Variants in GABRA5 observed in about 807,000 individuals in gnomAD.
The protein encoded by GABRA5 is gamma-aminobutyric acid type A receptor subunit alpha5.
GABRA5 carries 18 observed loss-of-function variants against 47.3 expected under a neutral mutation model. The observed-to-expected ratio is 0.38, with a 90% CI of 0.26 to 0.56. The LOEUF (loss-of-function observed/expected upper bound fraction) is 0.56, where lower values mean the gene tolerates loss of function less well. Among genes scored for constraint, GABRA5 ranks in the 20% least tolerant of loss-of-function variants. GABRA5 has a pLI of 0.71. For synonymous variants in GABRA5, 237 were observed against 229.3 expected (o/e 1.03, Z -0.30); for missense variants, 365 against 599.3 (o/e 0.61, Z 4.08).
intron 6 of GABRA5, among the ~76,000 whole-genome samples, chr15:26,896,118 A>G (rs1161592375): frequency 6.6e-6 from 1 of 152,192 alleles, no homozygotes; most frequent in Non-Finnish European, 1.5e-5. Flanking sequence ...GACATCATAC[A>G]GAGTCTTCGA....
intron 6 of GABRA5, among the ~76,000 whole-genome samples, chr15:26,898,045 G>C (rs766446948): frequency 1.3e-5 from 2 of 152,118 alleles, no homozygotes; most frequent in Non-Finnish European, 2.9e-5. Context: ...TGGCCACTTA[G>C]GGGTAATGAT....
chr15:26,902,387 T>C (rs1429846021), intron 6 of GABRA5, among the ~76,000 whole-genome samples: 1 of 152,108 alleles, frequency 6.6e-6, no homozygotes, highest in East Asian at 1.9e-4. Flanking sequence ...AGATTTCACT[T>C]TGGGGTGCTA....
chr15:26,935,715 A>G (rs1208848365), intron 7 of GABRA5, among the ~76,000 whole-genome samples: 1 of 152,196 alleles, frequency 6.6e-6, no homozygotes, highest in Non-Finnish European at 1.5e-5. Context: ...CCTTTGCAGG[A>G]GGCCTCTCCA....
intron 6 of GABRA5, among the ~76,000 whole-genome samples, chr15:26,890,878 A>G (rs149840151): frequency 2.0e-4 from 31 of 152,204 alleles, no homozygotes; most frequent in African/African-American, 6.8e-4. Context: ...AAATGAGGCC[A>G]TCTCACCACC....
intron 7 of GABRA5, among the ~76,000 whole-genome samples, chr15:26,924,153 C>G (rs1893901918): frequency 7.7e-6 from 1 of 129,962 alleles, no homozygotes; most frequent in Admixed American, 8.4e-5. Flanking sequence ...TATTATAATA[C>G]AAGGCTTTTT....
intron 7 of GABRA5, among the ~76,000 whole-genome samples, chr15:26,923,166 T>G (rs1893882506): frequency 6.6e-6 from 1 of 152,212 alleles, no homozygotes; most frequent in African/African-American, 2.4e-5. Flanking sequence ...TTTTATTATA[T>G]TTATCCATAT....
At chr15:26,911,402 C>A (rs1290819271) in intron 6 of GABRA5, among the ~76,000 whole-genome samples, 3 of 150,966 alleles carry the variant, frequency 2.0e-5, no homozygotes, top group East Asian at 3.9e-4. Flanking sequence ...CACACAAACA[C>A]ACACACTCCT....
chr15:26,873,348 T>C (rs1053282535), intron 3 of GABRA5, among the ~76,000 whole-genome samples: 1 of 152,138 alleles, frequency 6.6e-6, no homozygotes, highest in Non-Finnish European at 1.5e-5. Flanking sequence ...AAAGGCTGAG[T>C]CCATTGATTT....
At chr15:26,914,714 C>G in intron 6 of GABRA5, 89 bp from the exon 7 acceptor site, 1 of 963,536 alleles carries the variant, frequency 1.0e-6, no homozygotes, top group Non-Finnish European at 1.7e-6. Flanking sequence ...TTTAAAAGTA[C>G]TTAATATGGC....
intron 7 of GABRA5, among the ~76,000 whole-genome samples, chr15:26,926,066 G>C (rs1370354582): frequency 6.6e-6 from 1 of 152,160 alleles, no homozygotes; most frequent in Non-Finnish European, 1.5e-5. Flanking sequence ...AATAGTTCCA[G>C]GCTCTTCTTT....
intron 9 of GABRA5, among the ~76,000 whole-genome samples, chr15:26,942,494 G>T (rs1331199809): frequency 6.6e-6 from 1 of 152,208 alleles, no homozygotes; most frequent in African/African-American, 2.4e-5. Context: ...TCACCTGTTT[G>T]CAGGGAGCCC....
At chr15:26,938,351 G>C (rs1207693285) in intron 8 of GABRA5, among the ~76,000 whole-genome samples, 1 of 152,192 alleles carries the variant, frequency 6.6e-6, no homozygotes, top group Non-Finnish European at 1.5e-5. Context: ...GCAGGAGTTT[G>C]GTGTAAGCAA....
chr15:26,893,175 GGT>G (rs1893058679), intron 6 of GABRA5, among the ~76,000 whole-genome samples: 1 of 144,228 alleles, frequency 6.9e-6, no homozygotes, highest in African/African-American at 2.6e-5. Flanking sequence ...GTGTGTATGT[GGT>G]GTGTGGTGTG....
At chr15:26,924,890 G>A (rs1040428745) in intron 7 of GABRA5, among the ~76,000 whole-genome samples, 1 of 152,160 alleles carries the variant, frequency 6.6e-6, no homozygotes, top group African/African-American at 2.4e-5. Context: ...GGATGTGTAA[G>A]ACAGGAAGAA....
chr15:26,883,572 G>A lies in GABRA5; in HGVS notation c.497+15G>A, dbSNP rs1268558627. On this transcript the variant is annotated intron_variant, in intron 6 of 10. Transcript: ENST00000335625. This position sits in a 1 kb window ranked among gnomAD's most constrained non-coding sequence, Gnocchi z 4.8. ...TACACCATGCGGTGAGCGCCGGGCG[G>A]GGGCGGGCGGGGCCGGGGGACGGTG... 3 of 1,522,870 alleles carry A rather than the reference G, an allele frequency of 2.0e-6. No homozygotes were observed. The highest frequency in any genetic ancestry group is 2.4e-5 in the East Asian group (1 of 41,768). The allele number at this position is 1,522,870 out of a possible 1,614,324, so 94.3% of individuals were successfully genotyped here.
At chr15:26,926,869 C>T (rs142165329) in intron 7 of GABRA5, among the ~76,000 whole-genome samples, 4,765 of 152,180 alleles carry the variant, frequency 0.031, 242 homozygotes, top group African/African-American at 0.11. Context: ...AAGAAAACTA[C>T]GTGATGTCCT....
chr15:26,883,853 T>C lies in GABRA5; in HGVS notation c.497+296T>C, dbSNP rs1024282238. ...AATGTCGGATAGGGAAAAATTATTA[T>C]ATTAAACTTAAACATCTAAGGAGGA... On this transcript the variant is annotated intron_variant, in intron 6 of 10. Coordinates refer to ENST00000335625, the MANE Select transcript of GABRA5 (RefSeq NM_000810.4). The surrounding 1 kb of genome is among the most constrained non-coding windows in gnomAD (Gnocchi z 4.8). Among the ~76,000 whole-genome samples the C allele has an allele frequency of 1.3e-5, 2 of 152,074 alleles. No homozygotes were observed. The highest frequency in any genetic ancestry group is 2.9e-5 in the Non-Finnish European group (2 of 67,992).
chr15:26,942,813 C>G (rs1250516851), intron 9 of GABRA5, among the ~76,000 whole-genome samples: 1 of 152,184 alleles, frequency 6.6e-6, no homozygotes, highest in Non-Finnish European at 1.5e-5. Flanking sequence ...GAGGAAGGCG[C>G]AGGCTGGGAT....
chr15:26,948,823 A>G lies in GABRA5; in HGVS notation c.*590A>G, dbSNP rs1697782545. Reference sequence around the variant, plus strand: ...ACTTTTATGCAGGCAGATTAATAACAGAAATACATCATATGTTAGATACAC... The same window carrying G: ...ACTTTTATGCAGGCAGATTAATAACGGAAATACATCATATGTTAGATACAC... On this transcript the variant is annotated 3_prime_UTR_variant, in exon 11 of 11. Transcript: ENST00000335625. 1 of 152,482 alleles carries G rather than the reference A, an allele frequency of 6.6e-6. No individual in the cohort carries two copies. The highest frequency in any genetic ancestry group is 2.4e-5 in the African/African-American group (1 of 41,472). 9.4% of individuals were successfully genotyped at this position (152,482 alleles called of 1,614,324 possible).
Sources: gnomAD v4.1 joint callset for allele counts (sites outside exome capture counted in the v4.1 genomes callset) on GRCh38, gnomAD v4.1.1 for gene constraint, Gnocchi (gnomAD v3.1) non-coding constraint, MANE v1.5 for transcripts, NCBI Gene and HGNC (gene_info 2026-07-23, HGNC 2026-07-21) for gene names.